PTPRD: variants seen among roughly 807,000 people sequenced by gnomAD.
The protein encoded by PTPRD is receptor-type tyrosine-protein phosphatase delta.
Under a neutral mutation model 214.5 loss-of-function variants are expected in PTPRD, and 34 were observed. That is an observed-to-expected ratio of 0.16 (90% CI 0.12 to 0.21). The LOEUF is 0.21. PTPRD is among the 10% of genes least tolerant of loss of function. PTPRD has a pLI of 1.00. For synonymous variants in PTPRD, 1,128 were observed against 845.7 expected (o/e 1.33, Z -5.79); for missense variants, 2,545 against 2,398.7 (o/e 1.06, Z -1.27).
intron 8 of PTPRD, among the ~76,000 whole-genome samples, chr9:9,409,964 T>C (rs963216198): frequency 3.3e-5 from 5 of 152,180 alleles, no homozygotes; most frequent in African/African-American, 1.2e-4. Context: ...TATGTTGGCC[T>C]GTCTGACTAC....
At chr9:8,810,629 T>C (rs1350303556) in intron 11 of PTPRD, among the ~76,000 whole-genome samples, 1 of 152,186 alleles carries the variant, frequency 6.6e-6, no homozygotes, top group Non-Finnish European at 1.5e-5. Flanking sequence ...ACGTCTTTAG[T>C]GTTTCAAGAG....
At chr9:9,933,593 C>A (rs1294920962) in intron 5 of PTPRD, among the ~76,000 whole-genome samples, 1 of 151,260 alleles carries the variant, frequency 6.6e-6, no homozygotes, top group Non-Finnish European at 1.5e-5. Context: ...CCTGAGTGAC[C>A]TACAAGGAGA....
intron 8 of PTPRD, among the ~76,000 whole-genome samples, chr9:9,464,531 T>C (rs1013225345): frequency 6.6e-5 from 10 of 152,198 alleles, no homozygotes; most frequent in African/African-American, 2.4e-4. Context: ...ATGAGTCGCC[T>C]GAAGTCTAAC....
chr9:9,687,590 C>T (rs1044968432), intron 7 of PTPRD, among the ~76,000 whole-genome samples: 1 of 151,218 alleles, frequency 6.6e-6, no homozygotes, highest in African/African-American at 2.4e-5. Flanking sequence ...CTAACCTGCA[C>T]ATTGTGCACA....
chr9:9,847,768 C>G (rs571499235), intron 5 of PTPRD, among the ~76,000 whole-genome samples: 1 of 151,964 alleles, frequency 6.6e-6, no homozygotes, highest in Non-Finnish European at 1.5e-5. Flanking sequence ...GAAGTTATTT[C>G]GGAGCATTAA....
chr9:10,072,424 T>G (rs2098040598), intron 3 of PTPRD, among the ~76,000 whole-genome samples: 1 of 152,104 alleles, frequency 6.6e-6, no homozygotes, highest in Admixed American at 6.6e-5. Context: ...ACCTTCGCAG[T>G]GAGCGTTATA....
chr9:8,760,191 C>T (rs928742320), intron 11 of PTPRD, among the ~76,000 whole-genome samples: 1 of 152,190 alleles, frequency 6.6e-6, no homozygotes, highest in African/African-American at 2.4e-5. Flanking sequence ...TCGGCCTCCA[C>T]CGCGCCTGGC....
intron 2 of PTPRD, among the ~76,000 whole-genome samples, chr9:10,532,844 A>C (rs1314517643): frequency 6.6e-6 from 1 of 151,880 alleles, no homozygotes; most frequent in East Asian, 1.9e-4. Flanking sequence ...TATTTACCTG[A>C]TCCCTCAGTT....
chr9:9,027,903 A>T (rs942384270), intron 10 of PTPRD, among the ~76,000 whole-genome samples: 2 of 151,990 alleles, frequency 1.3e-5, no homozygotes, highest in Admixed American at 1.3e-4. Flanking sequence ...AAGTGGTGGT[A>T]ACATAAAAGA....
intron 11 of PTPRD, among the ~76,000 whole-genome samples, chr9:8,971,453 C>G (rs1158419255): frequency 6.6e-6 from 1 of 151,670 alleles, no homozygotes; most frequent in Admixed American, 6.6e-5. Flanking sequence ...CTTTGTATTT[C>G]ATTTTCTTTA....
intron 12 of PTPRD, among the ~76,000 whole-genome samples, chr9:8,670,342 A>G (rs1310517622): frequency 6.6e-6 from 1 of 152,048 alleles, no homozygotes; most frequent in East Asian, 1.9e-4. Context: ...CCACTGTTTC[A>G]TTCTGTATCT....
intron 3 of PTPRD, among the ~76,000 whole-genome samples, chr9:10,128,340 C>T (rs904563466): frequency 2.6e-5 from 4 of 152,136 alleles, no homozygotes; most frequent in Non-Finnish European, 5.9e-5. Flanking sequence ...TCCAATATGA[C>T]TGGTGCCCTT....
At position 9,932,663 on chromosome 9, in the gene PTPRD, A is replaced by G. The variant is rs1471675353; in HGVS notation, c.-368+5844T>C. ...GTTGGAAAACACTCTGCAGGATATT[A>G]TCCAGGAGAACTTCCCCAATCTAGC... On this transcript the variant is annotated intron_variant, in intron 5 of 45. Transcript: ENST00000381196. Among the ~76,000 whole-genome samples, 3 of 112,410 alleles carry G rather than the reference A, an allele frequency of 2.7e-5. No homozygotes were observed. The Admixed American group carries it at 2.8e-4, about 10-fold the overall frequency. 73.7% of individuals were successfully genotyped at this position (112,410 alleles called of 152,430 possible).
chr9:9,030,837 A>G (rs2099602961), intron 10 of PTPRD, among the ~76,000 whole-genome samples: 1 of 152,012 alleles, frequency 6.6e-6, no homozygotes, highest in Non-Finnish European at 1.5e-5. Flanking sequence ...ATTTATATAC[A>G]TGTTTACATG....
chr9:8,856,949 T>C (rs1392953706), intron 11 of PTPRD, among the ~76,000 whole-genome samples: 1 of 152,200 alleles, frequency 6.6e-6, no homozygotes, highest in Non-Finnish European at 1.5e-5. Flanking sequence ...GCAAATAATC[T>C]TTGGTTTGTT....
chr9:9,429,880 T>C (rs2082400403), intron 8 of PTPRD, among the ~76,000 whole-genome samples: 1 of 152,036 alleles, frequency 6.6e-6, no homozygotes, highest in Admixed American at 6.5e-5. Flanking sequence ...CTCAATAAAT[T>C]AGGTATTGAT....
chr9:9,020,097 T>A (rs2099558153), intron 10 of PTPRD, among the ~76,000 whole-genome samples: 1 of 152,176 alleles, frequency 6.6e-6, no homozygotes, highest in Non-Finnish European at 1.5e-5. Context: ...CTTCTGGAGC[T>A]GACGGATATT....
chr9:8,583,257 G>A (rs894792757), intron 14 of PTPRD, among the ~76,000 whole-genome samples: 2 of 152,196 alleles, frequency 1.3e-5, no homozygotes, highest in Non-Finnish European at 2.9e-5. Context: ...ACCTCCTGCT[G>A]TGCAGCCCAG....
intron 3 of PTPRD, among the ~76,000 whole-genome samples, chr9:10,324,862 T>C (rs1177146696): frequency 1.3e-5 from 2 of 152,058 alleles, no homozygotes; most frequent in African/African-American, 4.8e-5. Flanking sequence ...GTTTTGGAAC[T>C]AATTTAACAA....
Sources: gnomAD v4.1 joint callset for allele counts (sites outside exome capture counted in the v4.1 genomes callset) on GRCh38, gnomAD v4.1.1 for gene constraint, MANE v1.5 for transcripts, NCBI Gene and HGNC (gene_info 2026-07-23, HGNC 2026-07-21) for gene names.